The following SGMS1 variants were observed in gnomAD, a reference collection of about 807,000 sequenced individuals.
SGMS1 encodes the protein phosphatidylcholine:ceramide cholinephosphotransferase 1.
A neutral mutation model predicts 46.2 loss-of-function variants in SGMS1; 13 were observed. That is an observed-to-expected ratio of 0.28 (90% CI 0.18 to 0.45). The LOEUF is 0.45. Among genes scored for constraint, SGMS1 ranks in the 20% least tolerant of loss-of-function variants. The pLI is 1.00. For missense variants in SGMS1, 324 were observed against 519.9 expected, an observed-to-expected ratio of 0.62 and a Z score of 3.66; for synonymous variants, 203 against 187.8, an observed-to-expected ratio of 1.08 and a Z score of -0.66.
At chr10:50,364,378 T>C (rs1219993848) in intron 6 of SGMS1, among the ~76,000 whole-genome samples, 1 of 152,208 alleles carries the variant, frequency 6.6e-6, no homozygotes, top group African/African-American at 2.4e-5. Flanking sequence ...TCCACACTAA[T>C]TAATTTTTTT....
intron 2 of SGMS1, among the ~76,000 whole-genome samples, chr10:50,579,867 T>A (rs1838416876): frequency 6.6e-6 from 1 of 152,204 alleles, no homozygotes. Context: ...GATCCCAAGA[T>A]GTGGTACACA....
intron 2 of SGMS1, among the ~76,000 whole-genome samples, chr10:50,560,336 ATAT>A (rs953253413): frequency 4.6e-4 from 63 of 135,568 alleles, no homozygotes; most frequent in African/African-American, 1.6e-3. Context: ...TATATTATTA[ATAT>A]TATTAATAAT....
At chr10:50,376,366 G>A (rs1042684014) in intron 6 of SGMS1, among the ~76,000 whole-genome samples, 1 of 152,278 alleles carries the variant, frequency 6.6e-6, no homozygotes, top group African/African-American at 2.4e-5. Context: ...AGAGTCCCTC[G>A]ACCTCCCGGC....
chr10:50,390,180 G>A (rs1211407379), intron 6 of SGMS1, among the ~76,000 whole-genome samples: 1 of 151,912 alleles, frequency 6.6e-6, no homozygotes, highest in Non-Finnish European at 1.5e-5. Flanking sequence ...CAAACTATTC[G>A]GTACTACAAA....
intron 1 of SGMS1, among the ~76,000 whole-genome samples, chr10:50,623,172 G>A (rs1026510012): frequency 2.6e-5 from 4 of 152,216 alleles, no homozygotes; most frequent in Middle Eastern, 3.4e-3. Context: ...GAGGGGCTAC[G>A]GTGGGGGGAT....
At chr10:50,531,998 T>C (rs1328871171) in intron 2 of SGMS1, among the ~76,000 whole-genome samples, 3 of 152,220 alleles carry the variant, frequency 2.0e-5, no homozygotes, top group Non-Finnish European at 4.4e-5. Flanking sequence ...TACATTCATA[T>C]GCACACAGAA....
intron 8 of SGMS1, among the ~76,000 whole-genome samples, chr10:50,325,162 A>G (rs74340637): frequency 0.033 from 5,010 of 152,320 alleles, 91 homozygotes; most frequent in South Asian, 0.067. Flanking sequence ...AAATACTTCA[A>G]AAAGAAAAAA....
intron 6 of SGMS1, among the ~76,000 whole-genome samples, chr10:50,390,446 T>C (rs1848750161): frequency 6.6e-6 from 1 of 152,230 alleles, no homozygotes; most frequent in African/African-American, 2.4e-5. Flanking sequence ...CATTACTCTA[T>C]TCCCCAGAGG....
intron 2 of SGMS1, among the ~76,000 whole-genome samples, chr10:50,531,892 G>A (rs998606155): frequency 1.1e-4 from 16 of 152,186 alleles, no homozygotes; most frequent in African/African-American, 3.9e-4. Context: ...TACAGATAAA[G>A]TTCAGAGAGA....
intron 6 of SGMS1, among the ~76,000 whole-genome samples, chr10:50,409,106 C>CT (rs1849062636): frequency 6.6e-6 from 1 of 152,172 alleles, no homozygotes; most frequent in African/African-American, 2.4e-5. Flanking sequence ...TTTTCCTTTT[C>CT]TTTTTATTTT....
chr10:50,625,113 G>T, upstream of SGMS1: 2 of 952,012 alleles, frequency 2.1e-6, no homozygotes, highest in Non-Finnish European at 2.5e-6. Flanking sequence ...GTCCTGTACC[G>T]ACCCCTGGCT....
chr10:50,546,075 G>C (rs1838098294), intron 2 of SGMS1, among the ~76,000 whole-genome samples: 1 of 152,130 alleles, frequency 6.6e-6, no homozygotes. Flanking sequence ...CTCAGATAAG[G>C]AGTTCTGCCT....
chr10:50,378,646 C>T (rs910401140), intron 6 of SGMS1, among the ~76,000 whole-genome samples: 3 of 152,078 alleles, frequency 2.0e-5, no homozygotes, highest in Admixed American at 6.6e-5. Flanking sequence ...ATAAAACCTT[C>T]GGTGGATTAG....
chr10:50,539,584 C>A (rs951545618), intron 2 of SGMS1, among the ~76,000 whole-genome samples: 1 of 152,156 alleles, frequency 6.6e-6, no homozygotes, highest in Non-Finnish European at 1.5e-5. Context: ...CTTTAAAATG[C>A]AGTTTTCTGG....
intron 2 of SGMS1, among the ~76,000 whole-genome samples, chr10:50,552,577 T>C (rs1838157367): frequency 6.6e-6 from 1 of 152,196 alleles, no homozygotes; most frequent in Non-Finnish European, 1.5e-5. Context: ...TTAACATCTG[T>C]GTCCTGCAAA....
chr10:50,361,035 T>C (rs1251490535), intron 6 of SGMS1, among the ~76,000 whole-genome samples: 1 of 152,130 alleles, frequency 6.6e-6, no homozygotes, highest in African/African-American at 2.4e-5. Context: ...CTCTATCTAC[T>C]CACCTATAAA....
intron 6 of SGMS1, among the ~76,000 whole-genome samples, chr10:50,410,300 C>T (rs1024037239): frequency 3.3e-5 from 5 of 152,138 alleles, no homozygotes; most frequent in African/African-American, 1.2e-4. Flanking sequence ...TGAAGACAAG[C>T]AAACCTGGGG....
In SGMS1 at chr10:50,405,222, C is replaced by A. The variant is rs117457521; in HGVS notation, c.-232+28254G>T. Among the ~76,000 whole-genome samples, 561 of 151,894 alleles carry A rather than the reference C, an allele frequency of 3.7e-3. 1 individual carries two copies. Among genetic ancestry groups the A allele is most frequent in the Non-Finnish European group, 6.2e-3 (422 of 67,942 alleles). On this transcript the variant is annotated intron_variant, in intron 6 of 10. Transcript: ENST00000361781. The stretch of plus-strand genomic sequence containing the variant: ...TTTTACACTCTGTTCCTCAACAAAA[C>A]CTAATTAAAAAAAATAAAACCAGAA...
chr10:50,365,862 T>G (rs1293035206), intron 6 of SGMS1, among the ~76,000 whole-genome samples: 1 of 152,246 alleles, frequency 6.6e-6, no homozygotes, highest in Non-Finnish European at 1.5e-5. Context: ...TTCCATGTCT[T>G]TGCTATTGTA....
Sources: allele counts gnomAD v4.1 joint callset (sites outside exome capture counted in the v4.1 genomes callset), GRCh38; gene constraint gnomAD v4.1.1; transcripts MANE v1.5; gene names NCBI Gene and HGNC (gene_info 2026-07-23, HGNC 2026-07-21).